The following PIK3C2G variants were observed in gnomAD, a reference collection of about 807,000 sequenced individuals.
The protein encoded by PIK3C2G is phosphatidylinositol 3-kinase C2 domain-containing subunit gamma.
PIK3C2G carries 168 observed loss-of-function variants against 181.1 expected under a neutral mutation model. That is an observed-to-expected ratio of 0.93 (90% CI 0.82 to 1.05). PIK3C2G has a LOEUF of 1.05. Ranked by LOEUF, PIK3C2G falls within the 50% of genes least tolerant of loss-of-function variation. The pLI, the probability that PIK3C2G is intolerant of heterozygous loss-of-function variation, is 0.00. For missense variants in PIK3C2G, 1,869 were observed against 1,732.8 expected (o/e 1.08, Z -1.40); for synonymous variants, 573 against 592.2 (o/e 0.97, Z 0.47).
the PIK3C2G span, among the ~76,000 whole-genome samples, chr12:18,700,135 A>G: frequency 6.6e-6 from 1 of 152,168 alleles, no homozygotes; most frequent in African/African-American, 2.4e-5. Context: ...TAATGTTAAG[A>G]TAAGCTAGCT....
intron 24 of PIK3C2G, among the ~76,000 whole-genome samples, chr12:18,516,238 GA>G (rs1942531547): frequency 6.8e-6 from 1 of 148,044 alleles, no homozygotes; most frequent in South Asian, 2.1e-4. Flanking sequence ...TAGCTTTGCT[GA>G]GTACTGTATT....
intron 18 of PIK3C2G, among the ~76,000 whole-genome samples, chr12:18,464,676 T>G (rs1323496968): frequency 6.6e-6 from 1 of 152,134 alleles, no homozygotes; most frequent in Admixed American, 6.6e-5. Context: ...TAGTTTTATG[T>G]GTTTTTAACC....
chr12:18,375,766 C>G (rs1451832500), intron 13 of PIK3C2G, among the ~76,000 whole-genome samples: 1 of 152,236 alleles, frequency 6.6e-6, no homozygotes, highest in African/African-American at 2.4e-5. Context: ...TTTCTGGGGC[C>G]AGGCCCAGGG....
the PIK3C2G span, among the ~76,000 whole-genome samples, chr12:18,708,604 T>C: frequency 2.0e-5 from 3 of 152,174 alleles, no homozygotes; most frequent in African/African-American, 7.2e-5. Context: ...CCATTGGTGG[T>C]ACCAATCTAC....
At chr12:18,367,232 G>C (rs1480236831) in intron 12 of PIK3C2G, among the ~76,000 whole-genome samples, 1 of 152,158 alleles carries the variant, frequency 6.6e-6, no homozygotes, top group Non-Finnish European at 1.5e-5. Context: ...CATTCCACAG[G>C]ATCATCAGCA....
Position 18,497,672 on chromosome 12 carries a change from G to C in PIK3C2G, c.2940G>C (p.Met980Ile), listed in dbSNP as rs781746966. 4 of 1,612,286 alleles carry C rather than the reference G, an allele frequency of 2.5e-6. No individual in the cohort carries two copies. In the South Asian group the frequency reaches 4.4e-5, roughly 18 times the overall value. The change falls in exon 22 of 33, where the codon ATG becomes ATC. Residue 980 changes from methionine (M) to isoleucine (I), a missense_variant. Physicochemically the swap from Met to Ile is conservative, Grantham distance 10 (BLOSUM62 1). Transcript: ENST00000538779. ...DMLVLQLIQV[M>I]DNIWLQEGLD... ...TTGTTCTGCAGCTTATTCAAGTGAT[G>C]GACAATATTTGGCTGCAGGAAGGCT...
chr12:18,573,857 G>A (rs1946100213), intron 29 of PIK3C2G, among the ~76,000 whole-genome samples: 1 of 152,098 alleles, frequency 6.6e-6, no homozygotes, highest in South Asian at 2.1e-4. Flanking sequence ...AGCCCAAAAA[G>A]TATTAAAGGA....
Position 18,399,860 on chromosome 12 carries a change from T to C in PIK3C2G, c.2315+13T>C. On this transcript the variant is annotated intron_variant, in intron 16 of 32. Coordinates refer to ENST00000538779, the MANE Select transcript of PIK3C2G (RefSeq NM_001288772.2). ...TTTTGACTTCCAGGTAAGAATTGCA[T>C]AACAAGCATGATATTACTGACTGAG... 1.3e-6 allele frequency: 2 copies of C among 1,541,232 alleles called. No individual in the cohort carries two copies. The highest frequency in any genetic ancestry group is 2.4e-5 in the South Asian group (2 of 82,192).
At chr12:18,402,223 A>C (rs1356273813) in intron 16 of PIK3C2G, among the ~76,000 whole-genome samples, 1 of 152,184 alleles carries the variant, frequency 6.6e-6, no homozygotes, top group Non-Finnish European at 1.5e-5. Flanking sequence ...TATATGCTAC[A>C]ACATGGAAGG....
At chr12:18,595,617 A>G (rs1047793253) in intron 30 of PIK3C2G, among the ~76,000 whole-genome samples, 4 of 152,162 alleles carry the variant, frequency 2.6e-5, no homozygotes, top group Admixed American at 2.0e-4. Flanking sequence ...TGCCAATTCA[A>G]TCATCTCTCT....
intron 18 of PIK3C2G, among the ~76,000 whole-genome samples, chr12:18,476,382 C>T (rs1327302581): frequency 1.3e-5 from 2 of 151,998 alleles, no homozygotes; most frequent in Non-Finnish European, 2.9e-5. Context: ...GACTTAAAGA[C>T]CCGAGAGAAA....
At chr12:18,466,383 T>A (rs1415098334) in intron 18 of PIK3C2G, among the ~76,000 whole-genome samples, 3 of 148,018 alleles carry the variant, frequency 2.0e-5, no homozygotes, top group African/African-American at 7.9e-5. Flanking sequence ...CTCAACATTA[T>A]CACATTCTAT....
chr12:18,462,696 G>T (rs1489119708), intron 18 of PIK3C2G, among the ~76,000 whole-genome samples: 1 of 152,170 alleles, frequency 6.6e-6, no homozygotes, highest in African/African-American at 2.4e-5. Flanking sequence ...AAGAGAGGAA[G>T]TTTTAAATGT....
chr12:18,390,259 C>A (rs1039810256), intron 14 of PIK3C2G, among the ~76,000 whole-genome samples: 3 of 152,134 alleles, frequency 2.0e-5, no homozygotes, highest in Non-Finnish European at 4.4e-5. Flanking sequence ...ACACCATCTA[C>A]TTTGTAAGGT....
chr12:18,523,999 T>A (rs1943074803), intron 24 of PIK3C2G, among the ~76,000 whole-genome samples: 1 of 152,228 alleles, frequency 6.6e-6, no homozygotes. Context: ...CTCTCTGGTA[T>A]GGCACCTCCA....
chr12:18,542,724 GT>G lies in PIK3C2G; in HGVS notation c.3481-3598del, dbSNP rs144284833. On this transcript the variant is annotated intron_variant, in intron 25 of 32. Transcript: ENST00000538779. Reference sequence around the variant, plus strand: ...AGCCTCCAGCTCCACCCATGTTCCAGTAAAAGACATGATCTCATTTTTTTGT... The same window carrying G: ...AGCCTCCAGCTCCACCCATGTTCCAGAAAAGACATGATCTCATTTTTTTGT... Among the ~76,000 whole-genome samples, 1,078 of 151,994 alleles carry G rather than the reference GT, an allele frequency of 7.1e-3. 9 individuals are homozygous for G. Among genetic ancestry groups the G allele is most frequent in the African/African-American group, 0.01 (428 of 41,514 alleles).
the PIK3C2G span, chr12:18,696,322 C>CTATATAAATATATATATATATATATA: frequency 4.0e-6 from 1 of 253,072 alleles, no homozygotes; most frequent in African/African-American, 6.1e-5. Flanking sequence ...TAAAAAGCCA[C>CTATATAAATATATATATATATATATA]TATATATATA....
intron 31 of PIK3C2G, among the ~76,000 whole-genome samples, chr12:18,630,569 C>CA (rs1237780610): frequency 2.0e-5 from 3 of 151,798 alleles, no homozygotes; most frequent in Non-Finnish European, 4.4e-5. Context: ...AGCAAAGCCC[C>CA]AAGGGAATGT....
At chr12:18,614,829 A>G (rs1361855306) in intron 31 of PIK3C2G, among the ~76,000 whole-genome samples, 1 of 152,132 alleles carries the variant, frequency 6.6e-6, no homozygotes, top group African/African-American at 2.4e-5. Context: ...CCATCTCTTT[A>G]AACTGAACAG....
Sources: gnomAD v4.1 joint callset for allele counts (sites outside exome capture counted in the v4.1 genomes callset) on GRCh38, gnomAD v4.1.1 for gene constraint, MANE v1.5 for transcripts, NCBI Gene and HGNC (gene_info 2026-07-23, HGNC 2026-07-21) for gene names.